The following COL4A6 variants were observed in gnomAD, a reference collection of about 807,000 sequenced individuals.
The protein encoded by COL4A6 is collagen alpha-6(IV) chain.
In COL4A6, 59 loss-of-function variants were observed where a neutral mutation model predicts 126.7. That is an observed-to-expected ratio of 0.47 (90% CI 0.38 to 0.58). The LOEUF is 0.58. Among genes scored for constraint, COL4A6 ranks in the 20% least tolerant of loss-of-function variants. COL4A6 has a pLI of 0.00. For synonymous variants in COL4A6, 547 were observed against 496.6 expected, an observed-to-expected ratio of 1.10 and a Z score of -1.35; for missense variants, 1,285 against 1,337.3, an observed-to-expected ratio of 0.96 and a Z score of 0.61.
At chrX:108,403,282 C>CTCTCTCTCT (rs2041134251) in intron 2 of COL4A6, among the ~76,000 whole-genome samples, 1 of 75,277 alleles carries the variant, frequency 1.3e-5, no homozygotes, top group Admixed American at 1.4e-4. Flanking sequence ...CTCTCTCTCT[C>CTCTCTCTCT]ATCTTGTTTT....
chrX:108,200,582 A>C (rs1201638867), intron 13 of COL4A6, among the ~76,000 whole-genome samples: 5 of 111,629 alleles, frequency 4.5e-5, no homozygotes, highest in Non-Finnish European at 9.4e-5. Context: ...GAATAATACC[A>C]GTGGCTGGAA....
chrX:108,171,561 T>A, intron 32 of COL4A6, 100 bp from the exon 33 acceptor site: 2 of 682,834 alleles, frequency 2.9e-6, no homozygotes, highest in Non-Finnish European at 4.4e-6. Context: ...AGATTCAGTG[T>A]AGCCAGAGGA....
chrX:108,292,993 C>CAAAA (rs149076547), intron 3 of COL4A6, among the ~76,000 whole-genome samples: 3 of 14,550 alleles, frequency 2.1e-4, no homozygotes, highest in Non-Finnish European at 3.6e-4. Context: ...AGGAAAAAAG[C>CAAAA]AAAAAAAAAA....
intron 5 of COL4A6, among the ~76,000 whole-genome samples, chrX:108,215,265 A>G (rs1327321333): frequency 2.7e-5 from 3 of 112,341 alleles, no homozygotes; most frequent in African/African-American, 9.7e-5. Flanking sequence ...TAAGAGCTAG[A>G]CACACTGTTA....
intron 2 of COL4A6, among the ~76,000 whole-genome samples, chrX:108,311,521 C>A (rs1454062595): frequency 9.0e-6 from 1 of 111,494 alleles, no homozygotes; most frequent in Non-Finnish European, 1.9e-5. Context: ...CTCTGGCTCA[C>A]TCTGCTTCAG....
intron 2 of COL4A6, among the ~76,000 whole-genome samples, chrX:108,353,776 T>C (rs1481579485): frequency 8.9e-6 from 1 of 112,212 alleles, no homozygotes; most frequent in Admixed American, 9.4e-5. Flanking sequence ...GCTAGAAAGA[T>C]AGATCTTGAA....
intron 3 of COL4A6, among the ~76,000 whole-genome samples, chrX:108,281,924 G>A (rs1410631642): frequency 4.6e-5 from 5 of 109,697 alleles, no homozygotes; most frequent in Non-Finnish European, 9.6e-5. Context: ...AAATGGTACT[G>A]GGAAAACTGG....
intron 3 of COL4A6, among the ~76,000 whole-genome samples, chrX:108,248,651 C>A (rs1325445423): frequency 9.0e-6 from 1 of 110,912 alleles, no homozygotes; most frequent in Non-Finnish European, 1.9e-5. Context: ...TTATTATTGA[C>A]ATATCTTCCA....
At chrX:108,334,002 T>C (rs1356754087) in intron 2 of COL4A6, among the ~76,000 whole-genome samples, 1 of 111,550 alleles carries the variant, frequency 9.0e-6, no homozygotes, top group Non-Finnish European at 1.9e-5. Context: ...ATGCAATTTC[T>C]ATTAAATTAT....
intron 3 of COL4A6, among the ~76,000 whole-genome samples, chrX:108,241,525 CATA>C (rs988611025): frequency 9.9e-6 from 1 of 101,211 alleles, no homozygotes; most frequent in Non-Finnish European, 2.0e-5. Context: ...AATAAATATA[CATA>C]ATAATATAAT....
At chrX:108,338,953 G>A in intron 2 of COL4A6, among the ~76,000 whole-genome samples, 1 of 111,764 alleles carries the variant, frequency 8.9e-6, no homozygotes, top group Non-Finnish European at 1.9e-5. Context: ...AGGATAGCCT[G>A]CTTGACTCAG....
At chrX:108,180,385 C>T (rs975557030) in intron 25 of COL4A6, 130 bp downstream of exon 25, 8 of 536,330 alleles carry the variant, frequency 1.5e-5, no homozygotes, top group Non-Finnish European at 2.5e-5. Context: ...AACAATCCTA[C>T]CCACACCAGA....
chrX:108,429,972 G>A (rs1197517422), intron 2 of COL4A6, among the ~76,000 whole-genome samples: 1 of 111,749 alleles, frequency 8.9e-6, no homozygotes, highest in Non-Finnish European at 1.9e-5. Flanking sequence ...CCTATGCTCA[G>A]CCTGGCAGTA....
intron 3 of COL4A6, among the ~76,000 whole-genome samples, chrX:108,263,007 A>G (rs2037206672): frequency 9.0e-6 from 1 of 111,375 alleles, no homozygotes; most frequent in African/African-American, 3.3e-5. Flanking sequence ...GTTTAAAAGC[A>G]TGGGTGAGTG....
intron 9 of COL4A6, among the ~76,000 whole-genome samples, 166 bp from the exon 10 acceptor site, chrX:108,205,861 C>G (rs1338901100): frequency 9.0e-6 from 1 of 110,952 alleles, no homozygotes; most frequent in Non-Finnish European, 1.9e-5. Flanking sequence ...CTTTGAAATC[C>G]CCCAAATTGA....
chrX:108,162,327 G>A (rs893244557), intron 41 of COL4A6, among the ~76,000 whole-genome samples: 5 of 108,289 alleles, frequency 4.6e-5, no homozygotes, highest in Admixed American at 9.9e-5. Flanking sequence ...TCTCAGCCTC[G>A]GTGACAGAGC....
intron 2 of COL4A6, among the ~76,000 whole-genome samples, chrX:108,366,249 A>G (rs2040196272): frequency 9.0e-6 from 1 of 111,652 alleles, no homozygotes; most frequent in Non-Finnish European, 1.9e-5. Context: ...CACGATGAGG[A>G]AACTGAGGCT....
chrX:108,373,512 G>T (rs2040370917), intron 2 of COL4A6, among the ~76,000 whole-genome samples: 1 of 111,576 alleles, frequency 9.0e-6, no homozygotes, highest in East Asian at 2.8e-4. Flanking sequence ...ACAGAATGGT[G>T]AAGTTTGCAT....
At chrX:108,400,994 T>C (rs1423374264) in intron 2 of COL4A6, among the ~76,000 whole-genome samples, 5 of 111,806 alleles carry the variant, frequency 4.5e-5, no homozygotes, top group African/African-American at 9.7e-5. Context: ...TGTTCTCTTG[T>C]AGAATTTTTC....
Sources: gnomAD v4.1 joint callset for allele counts (sites outside exome capture counted in the v4.1 genomes callset) on GRCh38, gnomAD v4.1.1 for gene constraint, MANE v1.5 for transcripts, NCBI Gene and HGNC (gene_info 2026-07-23, HGNC 2026-07-21) for gene names.